The following SASH1 variants were observed in gnomAD, a reference collection of about 807,000 sequenced individuals.
The protein encoded by SASH1 is SAM and SH3 domain-containing protein 1.
SASH1 carries 44 observed loss-of-function variants against 125.2 expected under a neutral mutation model. The observed-to-expected ratio is 0.35, with a 90% CI of 0.28 to 0.45. The LOEUF (loss-of-function observed/expected upper bound fraction) is 0.45, where lower values mean the gene tolerates loss of function less well. Among genes scored for constraint, SASH1 ranks in the 20% least tolerant of loss-of-function variants. The pLI, the probability that SASH1 is intolerant of heterozygous loss-of-function variation, is 1.00. For synonymous variants in SASH1, 639 were observed against 649.1 expected (o/e 0.98, Z 0.24); for missense variants, 1,426 against 1,614.5 (o/e 0.88, Z 2.00).
chr6:148,360,198 C>T (rs1286893322), intron 1 of SASH1, among the ~76,000 whole-genome samples: 1 of 152,068 alleles, frequency 6.6e-6, no homozygotes, highest in South Asian at 2.1e-4. Flanking sequence ...GTGGACAGAA[C>T]AAGGGACGTC....
intron 1 of SASH1, among the ~76,000 whole-genome samples, chr6:148,387,618 T>TCTCTCTC (rs1562371188): frequency 1.1e-4 from 3 of 28,176 alleles, no homozygotes; most frequent in Non-Finnish European, 2.1e-4. Context: ...CTTTCTTTCT[T>TCTCTCTC]TCTTTCTTTC....
At position 148,519,255 on chromosome 6, in the gene SASH1, T is replaced by C. The variant is rs1780650507; in HGVS notation, c.863-292T>C. On this transcript the variant is annotated intron_variant, in intron 9 of 19. Coordinates refer to ENST00000367467, the MANE Select transcript of SASH1 (RefSeq NM_015278.5). The surrounding 1 kb of genome is among the most constrained non-coding windows in gnomAD (Gnocchi z 4.8). Reference sequence around the variant, plus strand: ...CATTATCTCGAAATGCTAAGGCATATTGTGATTATGGCTAGCTTAGATTTT... The same window carrying C: ...CATTATCTCGAAATGCTAAGGCATACTGTGATTATGGCTAGCTTAGATTTT... Among the ~76,000 whole-genome samples the C allele has an allele frequency of 6.6e-6, 1 of 152,216 alleles. No individual in the cohort carries two copies. The highest frequency in any genetic ancestry group is 1.5e-5 in the Non-Finnish European group (1 of 68,044).
intron 1 of SASH1, among the ~76,000 whole-genome samples, chr6:148,321,186 G>A (rs1780624498): frequency 6.6e-6 from 1 of 152,128 alleles, no homozygotes. Context: ...GAGGTCAGGA[G>A]TTCAAGACCA....
chr6:148,200,889 T>C, the SASH1 span, among the ~76,000 whole-genome samples: 556 of 152,326 alleles, frequency 3.7e-3, 2 homozygotes, highest in Middle Eastern at 6.8e-3. Context: ...AAAGAAATTA[T>C]ACCTCTGTGA....
chr6:148,371,946 C>T (rs1244447429), intron 1 of SASH1, among the ~76,000 whole-genome samples: 4 of 152,276 alleles, frequency 2.6e-5, no homozygotes, highest in African/African-American at 9.6e-5. Flanking sequence ...AGTAGTTATT[C>T]ACTTACAAAT....
upstream of SASH1, among the ~76,000 whole-genome samples, chr6:148,338,886 T>G (rs1422765507): frequency 6.6e-6 from 1 of 151,366 alleles, no homozygotes; most frequent in Non-Finnish European, 1.5e-5. Flanking sequence ...GCTCCTGTAG[T>G]CCCAGCTACT....
Position 148,343,139 on chromosome 6 carries a change from G to A in SASH1, c.72G>A (p.Ala24=). ...EPEPEPEPEP[A]PEPEPEPKPG... ...AGCCCGAGCCGGAGCCCGAGCCCGC[G>A]CCGGAGCCGGAACCGGAGCCCAAGC... is the stretch of plus-strand genomic sequence containing the variant. Residue 24 remains alanine, a synonymous_variant, in exon 1 of 20, where the codon GCG becomes GCA. Coordinates refer to ENST00000367467, the MANE Select transcript of SASH1 (RefSeq NM_015278.5). 1 of 1,597,762 alleles carries A rather than the reference G, an allele frequency of 6.3e-7. No homozygotes were observed.
At chr6:148,301,045 C>T (rs918406789) in intron 1 of SASH1, among the ~76,000 whole-genome samples, 6 of 151,860 alleles carry the variant, frequency 4.0e-5, no homozygotes, top group Admixed American at 6.6e-5. Flanking sequence ...ACCTCCTCCT[C>T]GGCCGGGCTC....
At chr6:148,201,162 T>G in the SASH1 span, among the ~76,000 whole-genome samples, 12 of 152,230 alleles carry the variant, frequency 7.9e-5, no homozygotes, top group Admixed American at 7.9e-4. Context: ...CATTTGACCT[T>G]GGACCACACT....
At chr6:148,213,661 C>T in the SASH1 span, among the ~76,000 whole-genome samples, 2 of 151,342 alleles carry the variant, frequency 1.3e-5, no homozygotes, top group East Asian at 3.9e-4. Context: ...TATAAACAAC[C>T]AACTGGTCAG....
In SASH1 at chr6:148,315,576, G is replaced by A. The variant is rs568017143; in HGVS notation, n.74+43199G>A. ...TTTCTTAAATTTAAGAGATTTCCTC[G>A]CTTTAGTTATGGGAGCTTTCTTACC... On this transcript the variant is annotated intron_variant and non_coding_transcript_variant, in intron 1 of 3. Coordinates refer to the SASH1 transcript ENST00000367469. 1.4e-4 allele frequency among the ~76,000 whole-genome samples: 22 copies of A among 152,140 alleles called. No individual in the cohort carries two copies. The South Asian group carries it at 3.1e-3, about 22-fold the overall frequency.
At chr6:148,482,845 C>T (rs1392222987) in intron 7 of SASH1, among the ~76,000 whole-genome samples, 4 of 151,870 alleles carry the variant, frequency 2.6e-5, no homozygotes, top group African/African-American at 7.3e-5. Flanking sequence ...CGTGCCACAA[C>T]GCCCAGCTAA....
In SASH1 at chr6:148,540,382, G is replaced by GACTC. The variant is rs1463740851; in HGVS notation, c.2096-60_2096-57dup. ...ACTGAGGATAAAGTCGAGATCTGTT[G>GACTC]ACTCTGAAACCTCTGCTTTTCACTC... On this transcript the variant is annotated intron_variant, in intron 16 of 19. Transcript: ENST00000367467. 3.0e-6 allele frequency: 4 copies of GACTC among 1,321,054 alleles called. No individual in the cohort carries two copies. The African/African-American group carries it at 4.4e-5, about 14-fold the overall frequency. 81.8% of individuals were successfully genotyped at this position (1,321,054 alleles called of 1,614,324 possible).
At chr6:148,486,847 G>A (rs1358843124) in intron 7 of SASH1, among the ~76,000 whole-genome samples, 2 of 146,242 alleles carry the variant, frequency 1.4e-5, no homozygotes, top group South Asian at 2.2e-4. Context: ...GCTTGAGCCT[G>A]GGAGGTCAAA....
At chr6:148,207,217 T>C in the SASH1 span, among the ~76,000 whole-genome samples, 1 of 152,226 alleles carries the variant, frequency 6.6e-6, no homozygotes, top group African/African-American at 2.4e-5. Flanking sequence ...ATGTCCAGTC[T>C]CTGCATTTGC....
At chr6:148,331,991 G>T (rs748960950) in intron 1 of SASH1, among the ~76,000 whole-genome samples, 18 of 152,144 alleles carry the variant, frequency 1.2e-4, no homozygotes, top group Non-Finnish European at 2.4e-4. Flanking sequence ...ACCCAGCCCA[G>T]AGAAAAGGAT....
chr6:148,222,351 C>T, the SASH1 span, among the ~76,000 whole-genome samples: 28 of 152,240 alleles, frequency 1.8e-4, no homozygotes, highest in African/African-American at 4.8e-4. Flanking sequence ...GTGAATGAAG[C>T]GATTCCTGAG....
At chr6:148,528,388 T>C (rs984689549) in intron 12 of SASH1, among the ~76,000 whole-genome samples, 8 of 152,170 alleles carry the variant, frequency 5.3e-5, no homozygotes, top group African/African-American at 1.9e-4. Flanking sequence ...TTGAAATATG[T>C]AGGTAATGCA....
intron 2 of SASH1, among the ~76,000 whole-genome samples, chr6:148,409,859 G>T (rs1784546022): frequency 6.6e-6 from 1 of 151,922 alleles, no homozygotes; most frequent in Non-Finnish European, 1.5e-5. Flanking sequence ...GCTTGAACTG[G>T]GGAGGCAGAG....
Sources: gnomAD v4.1 joint callset for allele counts (sites outside exome capture counted in the v4.1 genomes callset) on GRCh38, gnomAD v4.1.1 for gene constraint, Gnocchi (gnomAD v3.1) non-coding constraint, MANE v1.5 for transcripts, NCBI Gene and HGNC (gene_info 2026-07-23, HGNC 2026-07-21) for gene names.